The following ATP6V1B1 variants were observed in gnomAD, a reference collection of about 807,000 sequenced individuals.
The protein encoded by ATP6V1B1 is V-type proton ATPase subunit B, kidney isoform.
In ATP6V1B1, 41 loss-of-function variants were observed where a neutral mutation model predicts 62.1. The ratio of observed to expected loss-of-function variants is 0.66; its 90% confidence interval spans 0.51 to 0.86. The LOEUF (loss-of-function observed/expected upper bound fraction) is 0.86. ATP6V1B1 is among the 40% of genes least tolerant of loss of function. ATP6V1B1 has a pLI of 0.00. For synonymous variants in ATP6V1B1, 253 were observed against 273.4 expected, an observed-to-expected ratio of 0.93 and a Z score of 0.74; for missense variants, 651 against 697.5, an observed-to-expected ratio of 0.93 and a Z score of 0.75.
intron 2 of ATP6V1B1, chr2:70,944,280 A>G: frequency 1.6e-6 from 2 of 1,242,142 alleles, no homozygotes; most frequent in South Asian, 1.3e-5. Context: ...GCTATTTTGT[A>G]GCCCCTGGGA....
At position 70,950,760 on chromosome 2, in the gene ATP6V1B1, C is replaced by T. The variant is rs926223121; in HGVS notation, c.174+7047C>T. On this transcript the variant is annotated intron_variant, in intron 2 of 13. Transcript: ENST00000234396. Reference sequence around the variant, plus strand: ...ATAAAGGGAATTATGTCTCTTTTTCCGTCAGTATACTTTTACTTTACTTTT... The same window carrying T: ...ATAAAGGGAATTATGTCTCTTTTTCTGTCAGTATACTTTTACTTTACTTTT... Among the ~76,000 whole-genome samples the T allele has an allele frequency of 5.3e-5, 8 of 151,812 alleles. No homozygotes were observed. The East Asian group carries it at 1.5e-3, about 29-fold the overall frequency.
chr2:70,950,396 TC>T lies in ATP6V1B1; in HGVS notation c.174+6684del, dbSNP rs201382611. 4.0e-3 allele frequency among the ~76,000 whole-genome samples: 614 copies of T among 152,256 alleles called. 12 individuals are homozygous for T. The highest frequency in any genetic ancestry group is 0.014 in the African/African-American group (576 of 41,574). Reference sequence around the variant, plus strand: ...GGGTTGGATCAAATTTATATACTTTTCAAAAGGATTAATGTTTTTATGCTAG... The same window carrying T: ...GGGTTGGATCAAATTTATATACTTTTAAAAGGATTAATGTTTTTATGCTAG... On this transcript the variant is annotated intron_variant, in intron 2 of 13. Coordinates refer to ENST00000234396, the MANE Select transcript of ATP6V1B1 (RefSeq NM_001692.4).
At chr2:70,945,988 C>T (rs1680161909) in intron 2 of ATP6V1B1, among the ~76,000 whole-genome samples, 2 of 151,786 alleles carry the variant, frequency 1.3e-5, no homozygotes, top group South Asian at 4.2e-4. Context: ...GGCCATGTAT[C>T]TCCTCCCTAC....
chr2:70,959,348 T>G lies in ATP6V1B1; in HGVS notation c.445+253T>G, dbSNP rs1680524032. On this transcript the variant is annotated intron_variant, in intron 5 of 13. Coordinates refer to ENST00000234396, the MANE Select transcript of ATP6V1B1 (RefSeq NM_001692.4). The surrounding 1 kb of genome is among the most constrained non-coding windows in gnomAD (Gnocchi z 4.2). ...CATCATGCCCCTGCCTTTGGCTTCC[T>G]GTCCACAATCCTGAGAATGGGCTGC... Among the ~76,000 whole-genome samples, 1 of 152,242 alleles carries G rather than the reference T, an allele frequency of 6.6e-6. No individual in the cohort carries two copies. The highest frequency in any genetic ancestry group is 6.5e-5 in the Admixed American group (1 of 15,284).
chr2:70,956,739 C>T (rs1318276057), intron 2 of ATP6V1B1, among the ~76,000 whole-genome samples: 2 of 151,834 alleles, frequency 1.3e-5, no homozygotes, highest in Non-Finnish European at 1.5e-5. Context: ...AGCAGGTGCC[C>T]GCCACCATGC....
At chr2:70,938,849 T>G (rs1679918626) in intron 1 of ATP6V1B1, 1 of 962,700 alleles carries the variant, frequency 1.0e-6, no homozygotes, top group Non-Finnish European at 1.2e-6. Flanking sequence ...GCAGCCTGGT[T>G]GGAGGGATGA....
At chr2:70,951,228 C>G (rs1013566710) in intron 2 of ATP6V1B1, among the ~76,000 whole-genome samples, 1 of 152,162 alleles carries the variant, frequency 6.6e-6, no homozygotes, top group Non-Finnish European at 1.5e-5. Context: ...CAGGCATGAT[C>G]CACTGCGCCC....
In ATP6V1B1 at chr2:70,959,317, G is replaced by A. The variant is rs112998211; in HGVS notation, c.445+222G>A. On this transcript the variant is annotated intron_variant, in intron 5 of 13. Coordinates refer to ENST00000234396, the MANE Select transcript of ATP6V1B1 (RefSeq NM_001692.4). This position sits in a 1 kb window ranked among gnomAD's most constrained non-coding sequence, Gnocchi z 4.2. ...ATTGGGCAGTGTTCCACGCCTGCCCGAAGGCCATCATGCCCCTGCCTTTGG... is the reference window on the plus strand; with the variant it reads ...ATTGGGCAGTGTTCCACGCCTGCCCAAAGGCCATCATGCCCCTGCCTTTGG... 7.9e-5 allele frequency among the ~76,000 whole-genome samples: 12 copies of A among 152,212 alleles called. No individual in the cohort carries two copies. The highest frequency in any genetic ancestry group is 3.9e-4 in the East Asian group (2 of 5,192).
At chr2:70,936,270 A>G (rs1251954572) in intron 1 of ATP6V1B1, among the ~76,000 whole-genome samples, 198 bp downstream of exon 1, 1 of 152,136 alleles carries the variant, frequency 6.6e-6, no homozygotes, top group Non-Finnish European at 1.5e-5. Flanking sequence ...GAAGGGTTGC[A>G]GGTCCCCAGC....
chr2:70,960,979 A>G lies in ATP6V1B1; in HGVS notation c.644A>G (p.Asp215Gly). The G allele has an allele frequency of 6.2e-7, 1 of 1,606,192 alleles. No homozygotes were observed. Among genetic ancestry groups the G allele is most frequent in the Non-Finnish European group, 8.5e-7 (1 of 1,176,384 alleles). ...GTGAAGAAGTCCAAGGCTGTGCTGG[A>G]TTACCATGACGACAACTTCGCCATC... ...GLVKKSKAVL[D>G]YHDDNFAIVF... The change falls in exon 7 of 14, where the codon GAT (aspartate) becomes GGT (glycine). Residue 215 changes from aspartate (D) to glycine (G), a missense_variant. Transcript: ENST00000234396.
At chr2:70,944,251 A>G in intron 2 of ATP6V1B1, 1 of 1,285,710 alleles carries the variant, frequency 7.8e-7, no homozygotes, top group Non-Finnish European at 1.0e-6. Flanking sequence ...GGGCCCCACC[A>G]AAGGTAAGTG....
chr2:70,948,608 G>A (rs1680244492), intron 2 of ATP6V1B1: 1 of 152,772 alleles, frequency 6.5e-6, no homozygotes, highest in African/African-American at 2.4e-5. Flanking sequence ...GGCCCTCGCT[G>A]TCCGTGCTCC....
At chr2:70,944,195 G>C (rs781966990) in intron 2 of ATP6V1B1, 2 of 1,289,760 alleles carry the variant, frequency 1.6e-6, no homozygotes, top group South Asian at 1.2e-5. Flanking sequence ...GCCTCCAAAG[G>C]CCTTTGGAAT....
rs576944971 is a variant in ATP6V1B1 at position 70,936,143 on chromosome 2, C to T, written c.118+71C>T. ...TGGGGTGGGCTGCCAGGTTCCCGGG[C>T]CCCGCTTCTTGCCTCAGAAAAGGAG... On this transcript the variant is annotated intron_variant, in intron 1 of 13. Transcript: ENST00000234396. The T allele has an allele frequency of 1.1e-4, 158 of 1,499,292 alleles. No individual in the cohort carries two copies. In the Middle Eastern group the frequency reaches 1.5e-3, roughly 14 times the overall value. 92.9% of individuals were successfully genotyped at this position (1,499,292 alleles called of 1,614,324 possible).
At chr2:70,945,703 T>C (rs191609296) in intron 2 of ATP6V1B1, among the ~76,000 whole-genome samples, 1 of 55,556 alleles carries the variant, frequency 1.8e-5, no homozygotes, top group Non-Finnish European at 3.3e-5. Context: ...TTTGAAGAGA[T>C]ATATATATAT....
At chr2:70,958,004 C>G in intron 2 of ATP6V1B1, 42 bp from the exon 3 acceptor site, 1 of 1,582,232 alleles carries the variant, frequency 6.3e-7, no homozygotes, top group Non-Finnish European at 8.6e-7. Flanking sequence ...GGGACTTTGC[C>G]TCCAGTCTCA....
Position 70,948,801 on chromosome 2 carries a change from G to A in ATP6V1B1, c.174+5088G>A, listed in dbSNP as rs569458263. 1.3e-4 allele frequency among the ~76,000 whole-genome samples: 20 copies of A among 152,274 alleles called. No individual in the cohort carries two copies. The South Asian group carries it at 4.1e-3, about 32-fold the overall frequency. ...TTCACAGGACAAGGGAGGACTCAAG[G>A]TAGCGCTCCCTTCCGTGTGATTGTC... On this transcript the variant is annotated intron_variant, in intron 2 of 13. Transcript: ENST00000234396.
intron 8 of ATP6V1B1, among the ~76,000 whole-genome samples, chr2:70,962,090 G>A (rs1553420201): frequency 6.6e-6 from 1 of 152,064 alleles, no homozygotes; most frequent in Non-Finnish European, 1.5e-5. Flanking sequence ...AACTATCCTG[G>A]GTATTTCTGG....
At chr2:70,957,768 A>G (rs1278255025) in intron 2 of ATP6V1B1, 1 of 465,286 alleles carries the variant, frequency 2.1e-6, no homozygotes, top group East Asian at 4.4e-5. Context: ...TACGTATTTA[A>G]TGAGTTACTG....
Sources: gnomAD v4.1 joint callset for allele counts (sites outside exome capture counted in the v4.1 genomes callset) on GRCh38, gnomAD v4.1.1 for gene constraint, Gnocchi (gnomAD v3.1) non-coding constraint, MANE v1.5 for transcripts, NCBI Gene and HGNC (gene_info 2026-07-23, HGNC 2026-07-21) for gene names.